Variants in CEP57 observed in about 807,000 individuals in gnomAD.
CEP57 encodes centrosomal protein of 57 kDa.
Under a neutral mutation model 68.0 loss-of-function variants are expected in CEP57, and 40 were observed. That is an observed-to-expected ratio of 0.59 (90% confidence interval 0.46 to 0.77). CEP57 has a LOEUF of 0.77. Ranked by LOEUF, CEP57 falls within the 30% of genes least tolerant of loss-of-function variation. CEP57 has a pLI of 0.00. For missense variants in CEP57, 606 were observed against 580.7 expected (o/e 1.04, Z -0.45); for synonymous variants, 219 against 198.7 (o/e 1.10, Z -0.86).
intron 8 of CEP57, chr11:95,827,516 G>A (rs1862794910): frequency 7.4e-6 from 3 of 403,870 alleles, no homozygotes; most frequent in South Asian, 6.2e-5. Context: ...ACAAAATGGA[G>A]AGAAGGGGAG....
At chr11:95,791,116 A>G (rs981763379) in intron 1 of CEP57, among the ~76,000 whole-genome samples, 5 of 152,170 alleles carry the variant, frequency 3.3e-5, no homozygotes, top group Non-Finnish European at 7.3e-5. Flanking sequence ...TCGCCAGATC[A>G]GGTGAGGCGC....
chr11:95,829,293 G>A lies in CEP57; in HGVS notation c.1234G>A (p.Ala412Thr), dbSNP rs573450584. 3.7e-6 allele frequency: 6 copies of A among 1,613,630 alleles called. No individual in the cohort carries two copies. The South Asian group carries it at 6.6e-5, about 18-fold the overall frequency. ...ATTAGTGGGAAGGATGGAAGCAAAA[G>A]CCAACCAAATAACTAAAGTTCGAAA... ...EALVGRMEAK[A>T]NQITKVRKYQ... The change falls in exon 10 of 11, where the codon GCC (alanine) becomes ACC (threonine). Residue 412 changes from alanine (A) to threonine (T), a missense_variant. Transcript: ENST00000325542.
intron 4 of CEP57, among the ~76,000 whole-genome samples, chr11:95,815,796 T>G (rs1306494425): frequency 6.6e-6 from 1 of 152,166 alleles, no homozygotes; most frequent in African/African-American, 2.4e-5. Context: ...AAACAATAAA[T>G]AAATAAAATC....
intron 2 of CEP57, among the ~76,000 whole-genome samples, chr11:95,807,716 A>G (rs1388871546): frequency 6.6e-6 from 1 of 152,240 alleles, no homozygotes; most frequent in African/African-American, 2.4e-5. Flanking sequence ...ATATGGGACT[A>G]TGAGAAAAGA....
chr11:95,799,595 C>CT (rs560183556), intron 2 of CEP57, among the ~76,000 whole-genome samples: 48 of 152,282 alleles, frequency 3.2e-4, no homozygotes, highest in African/African-American at 1.1e-3. Context: ...TGCTAAAACA[C>CT]TTTGAGTCAT....
At chr11:95,806,916 C>G (rs550244539) in intron 2 of CEP57, among the ~76,000 whole-genome samples, 4 of 152,322 alleles carry the variant, frequency 2.6e-5, no homozygotes, top group Admixed American at 2.6e-4. Flanking sequence ...GGACAGACTG[C>G]CTCTTCAAGT....
intron 8 of CEP57, chr11:95,823,172 T>G (rs1862583916): frequency 6.6e-6 from 1 of 152,378 alleles, no homozygotes; most frequent in African/African-American, 2.4e-5. Context: ...CCAACTAGAT[T>G]GTTATTCTGG....
At position 95,799,317 on chromosome 11, in the gene CEP57, C is replaced by T. The variant is rs2135259624; in HGVS notation, c.131C>T (p.Pro44Leu). The stretch of plus-strand genomic sequence containing the variant: ...TATGTAGTATATCCTTCGGATAAGC[C>T]TTTCCTTAATAGTGATCTACGACGC... ...SPYVVYPSDK[P>L]FLNSDLRRSP... Residue 44 changes from proline (P) to leucine (L), a missense_variant, in exon 2 of 11, where the codon CCT (proline) becomes CTT (leucine). Pro to Leu is a moderately conservative substitution (Grantham distance 98, BLOSUM62 -3). Coordinates refer to ENST00000325542, the MANE Select transcript of CEP57 (RefSeq NM_014679.5). 3 of 1,614,100 alleles carry T rather than the reference C, an allele frequency of 1.9e-6. No homozygotes were observed. Among genetic ancestry groups the T allele is most frequent in the South Asian group, 1.1e-5 (1 of 91,076 alleles).
chr11:95,822,048 A>C, intron 7 of CEP57, 70 bp downstream of exon 7: 1 of 1,006,180 alleles, frequency 9.9e-7, no homozygotes, highest in Non-Finnish European at 1.6e-6. Context: ...ACACCCATAA[A>C]CTGTGTGGTG....
intron 6 of CEP57, among the ~76,000 whole-genome samples, chr11:95,821,583 T>G (rs1862519372): frequency 6.6e-6 from 1 of 152,192 alleles, no homozygotes; most frequent in South Asian, 2.1e-4. Context: ...TGCATTTAAC[T>G]CGTTAGATAG....
chr11:95,811,833 CTT>C (rs2135313445), intron 2 of CEP57, among the ~76,000 whole-genome samples: 1 of 152,246 alleles, frequency 6.6e-6, no homozygotes, highest in African/African-American at 2.4e-5. Flanking sequence ...TATGATTCTT[CTT>C]TGACCCAGTA....
chr11:95,831,125 G>A lies in CEP57; in HGVS notation c.1372G>A (p.Gly458Arg). ...CAGCAGCAGCCGTTCTGGAATCACAGGGACCACAAATAAGAAAGATTTTAT... is the reference window on the plus strand; with the variant it reads ...CAGCAGCAGCCGTTCTGGAATCACAAGGACCACAAATAAGAAAGATTTTAT... ...RNSSSRSGIT[G>R]TTNKKDFMKL... Residue 458 changes from glycine (G) to arginine (R), a missense_variant, in exon 11 of 11, where the codon GGG becomes AGG. Gly to Arg is a moderately radical substitution (Grantham distance 125, BLOSUM62 -2). Coordinates refer to ENST00000325542, the MANE Select transcript of CEP57 (RefSeq NM_014679.5). 1 of 1,613,530 alleles carries A rather than the reference G, an allele frequency of 6.2e-7. No individual in the cohort carries two copies. Among genetic ancestry groups the A allele is most frequent in the Middle Eastern group, 1.7e-4 (1 of 6,058 alleles).
intron 4 of CEP57, chr11:95,815,112 C>A (rs1196054187): frequency 6.6e-6 from 1 of 152,158 alleles, no homozygotes; most frequent in Non-Finnish European, 1.5e-5. Context: ...TATTTTCAAT[C>A]CACAGTTGAT....
chr11:95,831,988 G>A lies in CEP57; in HGVS notation c.*732G>A, dbSNP rs995565097. On this transcript the variant is annotated 3_prime_UTR_variant, in exon 11 of 11. Coordinates refer to ENST00000325542, the MANE Select transcript of CEP57 (RefSeq NM_014679.5). ...GAGAATGGGAGAAGGGATATGTTGT[G>A]AGCATATACCTTCACAGTTCTTAAT... The A allele has an allele frequency of 6.6e-6, 1 of 152,092 alleles. No individual in the cohort carries two copies. Among genetic ancestry groups the A allele is most frequent in the Non-Finnish European group, 1.5e-5 (1 of 67,994 alleles). 9.4% of individuals were successfully genotyped at this position (152,092 alleles called of 1,614,324 possible). A position where few individuals can be genotyped will look rare whatever the true frequency, so the allele number is the denominator to read the frequency against.
At chr11:95,828,051 A>G (rs756121803) in intron 9 of CEP57, 24 bp downstream of exon 9, 66 of 1,602,166 alleles carry the variant, frequency 4.1e-5, no homozygotes, top group Non-Finnish European at 5.1e-5. Flanking sequence ...TTTTTTTTTA[A>G]ATTCAGTTTA....
At chr11:95,804,377 T>C (rs893790664) in intron 2 of CEP57, among the ~76,000 whole-genome samples, 3 of 152,214 alleles carry the variant, frequency 2.0e-5, no homozygotes, top group African/African-American at 7.2e-5. Flanking sequence ...AACTAAAGCC[T>C]AAAACCTTAG....
intron 4 of CEP57, among the ~76,000 whole-genome samples, chr11:95,814,361 T>C (rs1477079100): frequency 2.0e-5 from 3 of 150,298 alleles, no homozygotes; most frequent in Non-Finnish European, 4.4e-5. Context: ...GTGTGTATTT[T>C]TTTTTTTTTT....
chr11:95,793,590 C>T (rs1281647597), intron 1 of CEP57, among the ~76,000 whole-genome samples: 1 of 152,162 alleles, frequency 6.6e-6, no homozygotes, highest in African/African-American at 2.4e-5. Flanking sequence ...CCCACTACCA[C>T]GTATTTTAAG....
chr11:95,820,590 A>C (rs935836513), intron 6 of CEP57, among the ~76,000 whole-genome samples: 5 of 151,928 alleles, frequency 3.3e-5, no homozygotes, highest in African/African-American at 1.2e-4. Flanking sequence ...AAAAAAAAAA[A>C]AAAAAAACAG....
Sources: allele counts gnomAD v4.1 joint callset (sites outside exome capture counted in the v4.1 genomes callset), GRCh38; gene constraint gnomAD v4.1.1; transcripts MANE v1.5; gene names NCBI Gene and HGNC (gene_info 2026-07-23, HGNC 2026-07-21).